Variants in DPY19L2 observed in about 807,000 individuals in gnomAD.
The protein encoded by DPY19L2 is dpy-19 like 2.
DPY19L2 carries 34 observed loss-of-function variants against 97.9 expected under a neutral mutation model. The ratio of observed to expected loss-of-function variants is 0.35; its 90% CI spans 0.26 to 0.46. The LOEUF is 0.46. Ranked by LOEUF, DPY19L2 falls within the 20% of genes least tolerant of loss-of-function variation. DPY19L2 has a pLI of 1.00. For missense variants in DPY19L2, 623 were observed against 911.4 expected (o/e 0.68, Z 4.07); for synonymous variants, 230 against 307.9 (o/e 0.75, Z 2.65).
intron 6 of DPY19L2, among the ~76,000 whole-genome samples, chr12:63,634,076 A>G (rs4044649): frequency 0.71 from 104,256 of 147,370 alleles, 37,849 homozygotes; most frequent in African/African-American, 0.86. Context: ...GGTGCGGGGA[A>G]GGGGGAGGGA....
intron 19 of DPY19L2, among the ~76,000 whole-genome samples, chr12:63,578,461 C>T (rs1880280453): frequency 6.6e-6 from 1 of 152,106 alleles, no homozygotes; most frequent in South Asian, 2.1e-4. Context: ...GAGAGTATAA[C>T]TGGATTGTTT....
chr12:63,588,756 T>TG (rs1882268133), intron 16 of DPY19L2, among the ~76,000 whole-genome samples: 1 of 147,484 alleles, frequency 6.8e-6, no homozygotes, highest in African/African-American at 2.5e-5. Flanking sequence ...TTTTTTTTTT[T>TG]TTTTTTTTGT....
chr12:63,658,443 G>A lies in DPY19L2; in HGVS notation c.588+2901C>T, dbSNP rs1243112514. Reference sequence around the variant, plus strand: ...CAGGAGGCAGAGGCTACAGGGAGCCGAGATCACGCCACTGCACTTCAACCT... The same window carrying A: ...CAGGAGGCAGAGGCTACAGGGAGCCAAGATCACGCCACTGCACTTCAACCT... On this transcript the variant is annotated intron_variant, in intron 4 of 21. Coordinates refer to ENST00000324472, the MANE Select transcript of DPY19L2 (RefSeq NM_173812.5). Among the ~76,000 whole-genome samples the A allele has an allele frequency of 5.3e-5, 8 of 152,244 alleles. No individual in the cohort carries two copies. In the South Asian group the frequency reaches 1.5e-3, roughly 28 times the overall value.
intron 16 of DPY19L2, chr12:63,590,870 C>G (rs1882781841): frequency 3.3e-6 from 1 of 300,470 alleles, no homozygotes; most frequent in Admixed American, 3.7e-5. Flanking sequence ...ACAGGCCTGT[C>G]ACTTTCAAAT....
chr12:63,640,800 CATT>C (rs1184426137), intron 6 of DPY19L2, among the ~76,000 whole-genome samples: 6 of 152,038 alleles, frequency 3.9e-5, no homozygotes, highest in African/African-American at 4.8e-5. Context: ...AAATTTTAGT[CATT>C]GTTGTGTAAC....
intron 6 of DPY19L2, among the ~76,000 whole-genome samples, chr12:63,641,170 C>A (rs1292153724): frequency 6.6e-6 from 1 of 152,070 alleles, no homozygotes; most frequent in Admixed American, 6.6e-5. Flanking sequence ...TCCCAAAGTG[C>A]TGAGATTACA....
chr12:63,598,939 C>A (rs10878061), intron 13 of DPY19L2, among the ~76,000 whole-genome samples: 88,918 of 150,822 alleles, frequency 0.59, 26,836 homozygotes, highest in African/African-American at 0.74. Context: ...TTGGGAGGCC[C>A]AGGCAGGCGG....
Position 63,668,128 on chromosome 12 carries a change from A to T in DPY19L2, c.266T>A (p.Leu89Gln). Residue 89 changes from leucine (L) to glutamine (Q), a missense_variant, in exon 1 of 22, where the codon CTG becomes CAG. Coordinates refer to ENST00000324472, the MANE Select transcript of DPY19L2 (RefSeq NM_173812.5). ...CTGCACCTTTTCCCGGAGCTGCGCC[A>T]GGGAATTACGGACGAACTGGAAGGG... is the stretch of plus-strand genomic sequence containing the variant. ...LGPFQFVRNSLAQLREKVQEL... is the reference protein window; with the variant it reads ...LGPFQFVRNSQAQLREKVQEL... 1 of 1,613,968 alleles carries T rather than the reference A, an allele frequency of 6.2e-7. No individual in the cohort carries two copies. Among genetic ancestry groups the T allele is most frequent in the Non-Finnish European group, 8.5e-7 (1 of 1,179,952 alleles).
chr12:63,635,512 C>T (rs1379986023), intron 6 of DPY19L2, among the ~76,000 whole-genome samples: 1 of 151,968 alleles, frequency 6.6e-6, no homozygotes, highest in Non-Finnish European at 1.5e-5. Context: ...GTGTTCGAAC[C>T]CATCGCAAAG....
At chr12:63,661,070 T>C (rs543786666) in intron 4 of DPY19L2, 2 of 205,406 alleles carry the variant, frequency 9.7e-6, no homozygotes, top group South Asian at 1.7e-4. Context: ...TTTAGAACTT[T>C]TTGGCTCCCA....
chr12:63,585,082 T>C (rs1269767623), intron 16 of DPY19L2, among the ~76,000 whole-genome samples: 1 of 151,772 alleles, frequency 6.6e-6, no homozygotes, highest in East Asian at 1.9e-4. Context: ...CCACTGGGGG[T>C]CTTGGGATGC....
chr12:63,648,152 T>C (rs1893687177), intron 4 of DPY19L2, among the ~76,000 whole-genome samples: 1 of 152,126 alleles, frequency 6.6e-6, no homozygotes. Context: ...AGGCACCATC[T>C]TGGAAGCAGA....
At chr12:63,654,852 T>C (rs1425554634) in intron 4 of DPY19L2, among the ~76,000 whole-genome samples, 1 of 152,128 alleles carries the variant, frequency 6.6e-6, no homozygotes, top group African/African-American at 2.4e-5. Flanking sequence ...AACAGATAGA[T>C]GTCAACGGAG....
chr12:63,594,838 T>C (rs2137512606), intron 15 of DPY19L2, among the ~76,000 whole-genome samples: 1 of 152,300 alleles, frequency 6.6e-6, no homozygotes, highest in African/African-American at 2.4e-5. Context: ...AGTTAATTCA[T>C]GCATTGGCCC....
intron 6 of DPY19L2, among the ~76,000 whole-genome samples, chr12:63,637,459 C>T (rs754941905): frequency 5.3e-5 from 8 of 151,664 alleles, no homozygotes; most frequent in East Asian, 3.9e-4. Context: ...ATTGATAGAC[C>T]GCTAGCAAGA....
At chr12:63,659,560 C>A (rs1384486716) in intron 4 of DPY19L2, among the ~76,000 whole-genome samples, 1 of 151,766 alleles carries the variant, frequency 6.6e-6, no homozygotes, top group Non-Finnish European at 1.5e-5. Flanking sequence ...AGAGAACTAT[C>A]TACTTTCAAG....
chr12:63,603,500 C>T (rs901648378), intron 12 of DPY19L2, among the ~76,000 whole-genome samples: 10 of 152,150 alleles, frequency 6.6e-5, no homozygotes, highest in African/African-American at 2.4e-4. Context: ...TCATTAGCTA[C>T]TTTTCCTGAT....
chr12:63,663,881 C>A, intron 2 of DPY19L2, 36 bp from the exon 3 acceptor site: 2 of 1,426,238 alleles, frequency 1.4e-6, no homozygotes, highest in East Asian at 2.4e-5. Flanking sequence ...ACAATAAGAA[C>A]GAGTTTCAAA....
intron 4 of DPY19L2, among the ~76,000 whole-genome samples, chr12:63,660,113 T>G (rs897043561): frequency 2.0e-5 from 3 of 152,104 alleles, no homozygotes; most frequent in Non-Finnish European, 4.4e-5. Context: ...CAGACAGCAA[T>G]TTAGCAATAT....
Sources: allele counts gnomAD v4.1 joint callset (sites outside exome capture counted in the v4.1 genomes callset), GRCh38; gene constraint gnomAD v4.1.1; transcripts MANE v1.5; gene names NCBI Gene and HGNC (gene_info 2026-07-23, HGNC 2026-07-21).